Variants in RAB36 observed in about 807,000 individuals in gnomAD.
The protein encoded by RAB36 is ras-related protein Rab-36.
Under a neutral mutation model 39.3 loss-of-function variants are expected in RAB36, and 33 were observed. The ratio of observed to expected loss-of-function variants is 0.84; its 90% CI spans 0.64 to 1.12. The LOEUF (loss-of-function observed/expected upper bound fraction) is 1.12. RAB36 is among the 50% of genes most tolerant of loss of function. The pLI is 0.00. For missense variants in RAB36, 308 were observed against 355.3 expected, an observed-to-expected ratio of 0.87 and a Z score of 1.07; for synonymous variants, 133 against 140.2, an observed-to-expected ratio of 0.95 and a Z score of 0.36.
downstream of RAB36, among the ~76,000 whole-genome samples, chr22:23,167,402 G>A (rs1016639141): frequency 1.1e-4 from 16 of 152,162 alleles, no homozygotes; most frequent in Non-Finnish European, 1.5e-4. Flanking sequence ...AGGGACCGGA[G>A]CAAGGCAGTT....
intron 3 of RAB36, among the ~76,000 whole-genome samples, chr22:23,150,959 G>T (rs903087946): frequency 1.3e-5 from 2 of 152,214 alleles, no homozygotes; most frequent in Non-Finnish European, 1.5e-5. Flanking sequence ...TCTTCCTGCC[G>T]CGGCAGCTCC....
At chr22:23,152,559 C>T (rs1256438775) in intron 4 of RAB36, 33 bp downstream of exon 4, 1 of 1,597,118 alleles carries the variant, frequency 6.3e-7, no homozygotes, top group East Asian at 2.2e-5. Context: ...TTGGCCACCT[C>T]CCCCAGCACC....
downstream of RAB36, among the ~76,000 whole-genome samples, chr22:23,168,024 T>A (rs371962674): frequency 2.6e-5 from 4 of 152,330 alleles, no homozygotes; most frequent in African/African-American, 9.6e-5. Context: ...TTTTTAATTT[T>A]TTTTTTAATT....
In RAB36 at chr22:23,153,030, C is replaced by T. The variant is rs1429937816; in HGVS notation, c.228-3C>T. 3 of 1,611,920 alleles carry T rather than the reference C, an allele frequency of 1.9e-6. No homozygotes were observed. Among genetic ancestry groups the T allele is most frequent in the African/African-American group, 1.3e-5 (1 of 74,986 alleles). On this transcript the variant is annotated splice_region_variant and splice_polypyrimidine_tract_variant and intron_variant, in intron 4 of 10. Transcript: ENST00000263116. ...CCTGTGACGACTTCCTCATCCCCCACAGGTTTTGCAAGAATGTTTTTGATC... is the reference window on the plus strand; with the variant it reads ...CCTGTGACGACTTCCTCATCCCCCATAGGTTTTGCAAGAATGTTTTTGATC...
chr22:23,157,094 G>C (rs2071495112), intron 6 of RAB36, among the ~76,000 whole-genome samples: 2 of 152,174 alleles, frequency 1.3e-5, no homozygotes, highest in South Asian at 2.1e-4. Context: ...AACAGGACCG[G>C]GGTGCGGCCA....
chr22:23,161,753 G>A lies in RAB36; in HGVS notation c.*189G>A. The stretch of plus-strand genomic sequence containing the variant: ...CAGTCACTTGTCCGTTGCAGGTTGG[G>A]CACTAGAAAAGGCCCCCACTGGCTG... On this transcript the variant is annotated 3_prime_UTR_variant, in exon 11 of 11. Coordinates refer to ENST00000263116, the MANE Select transcript of RAB36 (RefSeq NM_004914.5). 1 of 585,552 alleles carries A rather than the reference G, an allele frequency of 1.7e-6. No individual in the cohort carries two copies. Among genetic ancestry groups the A allele is most frequent in the Admixed American group, 3.1e-5 (1 of 32,636 alleles). The allele number at this position is 585,552 out of a possible 1,614,324, so 36.3% of individuals were successfully genotyped here. A position where few individuals can be genotyped will look rare whatever the true frequency, so the allele number is the denominator to read the frequency against.
At chr22:23,145,354 G>A, upstream of RAB36, 6 of 1,602,480 alleles carry the variant, frequency 3.7e-6, no homozygotes, top group Non-Finnish European at 5.1e-6. Context: ...CTCCAGGCAG[G>A]TTCTCGTTGC....
In RAB36 at chr22:23,160,799, T is replaced by A. The variant is rs1401350266; in HGVS notation, c.620-80T>A. ...GCTACGTGCCAACCTGAGGGTAGGC[T>A]AGCCTGGCTTTCACACCCAGATGCA... On this transcript the variant is annotated intron_variant, in intron 9 of 10. Coordinates refer to ENST00000263116, the MANE Select transcript of RAB36 (RefSeq NM_004914.5). The A allele has an allele frequency of 3.9e-6, 6 of 1,553,088 alleles. No homozygotes were observed. The African/African-American group carries it at 5.4e-5, about 14-fold the overall frequency.
chr22:23,161,643 GC>G lies in RAB36; in HGVS notation c.*82del. ...CCGTGACTGTGGTGTGGAGACTGGAGCCCAAGCTCTGCAGCGTGTCGCCCTC... is the reference window on the plus strand; with the variant it reads ...CCGTGACTGTGGTGTGGAGACTGGAGCCAAGCTCTGCAGCGTGTCGCCCTC... On this transcript the variant is annotated 3_prime_UTR_variant, in exon 11 of 11. Transcript: ENST00000263116. 7.9e-7 allele frequency: 1 copy of G among 1,266,164 alleles called. No homozygotes were observed. The highest frequency in any genetic ancestry group is 1.1e-6 in the Non-Finnish European group (1 of 906,256). 78.4% of individuals were successfully genotyped at this position (1,266,164 alleles called of 1,614,324 possible).
intron 2 of RAB36, among the ~76,000 whole-genome samples, chr22:23,147,829 C>G (rs962156800): frequency 6.6e-6 from 1 of 152,194 alleles, no homozygotes; most frequent in Non-Finnish European, 1.5e-5. Flanking sequence ...TCTTCAGGAG[C>G]TGACATGCAA....
chr22:23,152,959 G>C, intron 4 of RAB36, 74 bp from the exon 5 acceptor site: 1 of 1,054,030 alleles, frequency 9.5e-7, no homozygotes, highest in Non-Finnish European at 1.5e-6. Flanking sequence ...CTAAAGACTT[G>C]CAGTGTTACA....
In RAB36 at chr22:23,153,087, T is replaced by C; in HGVS notation, c.282T>C (p.Phe94=). The change falls in exon 5 of 11, where the codon TTT becomes TTC. Residue 94 remains phenylalanine, a synonymous_variant. Transcript: ENST00000263116. The part of the protein sequence containing the change: ...RDYKATIGVD[F]EIERFEIAGI... ...ACAAGGCCACCATTGGGGTGGACTT[T>C]GAAATTGAGCGCTTTGAGATTGCTG... 6.2e-7 allele frequency: 1 copy of C among 1,614,154 alleles called. No individual in the cohort carries two copies.
intron 2 of RAB36, among the ~76,000 whole-genome samples, chr22:23,148,739 C>T (rs949070565): frequency 1.3e-5 from 2 of 152,340 alleles, no homozygotes; most frequent in East Asian, 3.9e-4. Flanking sequence ...TCAGCTCACA[C>T]TTCTTACCCT....
Position 23,145,517 on chromosome 22 carries a change from G to A in RAB36, c.-47G>A, listed in dbSNP as rs758021663. The stretch of plus-strand genomic sequence containing the variant: ...GCCGCCGCTGGCTCAGGCGGACCAG[G>A]CCGCGCGGAGCCCCAGCTTTCACAG... On this transcript the variant is annotated 5_prime_UTR_variant, in exon 1 of 11. Coordinates refer to ENST00000263116, the MANE Select transcript of RAB36 (RefSeq NM_004914.5). 1.2e-6 allele frequency: 2 copies of A among 1,604,334 alleles called. No homozygotes were observed. Among genetic ancestry groups the A allele is most frequent in the South Asian group, 2.2e-5 (2 of 90,936 alleles).
chr22:23,153,472 C>T (rs1052336236), intron 5 of RAB36: 7 of 700,862 alleles, frequency 1.0e-5, no homozygotes, highest in Non-Finnish European at 1.1e-5. Flanking sequence ...CTCACCAGGC[C>T]AGCAGGGTGG....
At position 23,153,108 on chromosome 22, in the gene RAB36, T is replaced by C. The variant is rs979966221; in HGVS notation, c.303T>C (p.Ile101=). 12 of 1,613,958 alleles carry C rather than the reference T, an allele frequency of 7.4e-6. No individual in the cohort carries two copies. The highest frequency in any genetic ancestry group is 9.3e-6 in the Non-Finnish European group (11 of 1,179,984). Residue 101 remains isoleucine, a synonymous_variant, in exon 5 of 11, where the codon ATT becomes ATC. Coordinates refer to ENST00000263116, the MANE Select transcript of RAB36 (RefSeq NM_004914.5). ...GVDFEIERFE[I]AGIPYSLQIW... ...ACTTTGAAATTGAGCGCTTTGAGATTGCTGGGATTCCCTATAGCCTCCAGA... is the reference window on the plus strand; with the variant it reads ...ACTTTGAAATTGAGCGCTTTGAGATCGCTGGGATTCCCTATAGCCTCCAGA...
chr22:23,155,098 C>T (rs1410955540), intron 5 of RAB36, among the ~76,000 whole-genome samples: 1 of 152,060 alleles, frequency 6.6e-6, no homozygotes, highest in African/African-American at 2.4e-5. Flanking sequence ...ACACTCTAGC[C>T]TGGGCAATAA....
rs373104304 is a variant in RAB36 at position 23,150,119 on chromosome 22, C to G, written c.126C>G (p.Ser42Arg). Residue 42 changes from serine to arginine, a missense_variant, in exon 3 of 11, where the codon AGC becomes AGG. Coordinates refer to ENST00000263116, the MANE Select transcript of RAB36 (RefSeq NM_004914.5). The stretch of plus-strand genomic sequence containing the variant: ...GGGAGCACTTCCACGGGCAGGTCAG[C>G]GCTGCCTGCCAACGCAGGAACACGG... ...QLREHFHGQV[S>R]AACQRRNTGT... The G allele has an allele frequency of 1.1e-5, 18 of 1,612,432 alleles. No homozygotes were observed. Among genetic ancestry groups the G allele is most frequent in the Non-Finnish European group, 1.4e-5 (17 of 1,179,398 alleles).
intron 5 of RAB36, among the ~76,000 whole-genome samples, chr22:23,154,709 G>A (rs182201879): frequency 2.0e-3 from 307 of 152,292 alleles, no homozygotes; most frequent in Middle Eastern, 3.4e-3. Context: ...CTCCCTACGG[G>A]CTCATCTCTA....
Sources: allele counts gnomAD v4.1 joint callset (sites outside exome capture counted in the v4.1 genomes callset), GRCh38; gene constraint gnomAD v4.1.1; transcripts MANE v1.5; gene names NCBI Gene and HGNC (gene_info 2026-07-23, HGNC 2026-07-21).